The following POLD3 variants were observed in gnomAD, a reference collection of about 807,000 sequenced individuals.
The protein encoded by POLD3 is DNA polymerase delta subunit 3.
A neutral mutation model predicts 58.2 loss-of-function variants in POLD3; 19 were observed. The observed-to-expected ratio is 0.33, with a 90% CI of 0.23 to 0.48. The LOEUF (loss-of-function observed/expected upper bound fraction) is 0.48, where lower values mean the gene tolerates loss of function less well. Ranked by LOEUF, POLD3 falls within the 20% of genes least tolerant of loss-of-function variation. The probability of loss-of-function intolerance (pLI) is 0.99; values close to 1 mark genes in which losing one functional copy is unlikely to be tolerated. For missense variants in POLD3, 504 were observed against 545.5 expected, an observed-to-expected ratio of 0.92 and a Z score of 0.76; for synonymous variants, 172 against 193.5, an observed-to-expected ratio of 0.89 and a Z score of 0.92.
Position 74,612,944 on chromosome 11 carries a change from A to G in POLD3, c.326A>G (p.Lys109Arg), listed in dbSNP as rs1219019838. 11 of 1,613,874 alleles carry G rather than the reference A, an allele frequency of 6.8e-6. No homozygotes were observed. In the East Asian group the frequency reaches 2.2e-4, roughly 33 times the overall value. ...HVYSIQKAML[K>R]DSGPLFNTDY... The stretch of plus-strand genomic sequence containing the variant: ...TACAGCATCCAGAAAGCCATGCTAA[A>G]GGACAGTGGGCCTCTGTTCAATACT... The change falls in exon 5 of 12, where the codon AAG becomes AGG. Residue 109 changes from lysine (K) to arginine (R), a missense_variant. By Grantham distance (26) the Lys-to-Arg change is conservative (BLOSUM62 2). Transcript: ENST00000263681.
chr11:74,662,151 C>A (rs2033213595), intron 4 of POLD3, among the ~76,000 whole-genome samples: 1 of 152,202 alleles, frequency 6.6e-6, no homozygotes, highest in South Asian at 2.1e-4. Context: ...AATTGTGGAT[C>A]CCAAGAGCCC....
chr11:74,617,083 T>C (rs989808102), intron 5 of POLD3, among the ~76,000 whole-genome samples: 4 of 152,048 alleles, frequency 2.6e-5, no homozygotes, highest in African/African-American at 9.7e-5. Flanking sequence ...CTGGGAAAAA[T>C]AAAATATTTT....
intron 3 of POLD3, among the ~76,000 whole-genome samples, chr11:74,608,229 C>T (rs10219204): frequency 0.017 from 2,625 of 152,292 alleles, 77 homozygotes; most frequent in African/African-American, 0.061. Flanking sequence ...GATCCCCTTG[C>T]CTCAGCTTCC....
At chr11:74,623,809 A>G (rs1297676694) in intron 7 of POLD3, among the ~76,000 whole-genome samples, 1 of 152,240 alleles carries the variant, frequency 6.6e-6, no homozygotes, top group Non-Finnish European at 1.5e-5. Context: ...AAAAAAAGTC[A>G]TTAAATTTTC....
rs927604045 is a variant in POLD3 at position 74,642,880 on chromosome 11, T to C, written c.*2114T>C. 4 of 985,132 alleles carry C rather than the reference T, an allele frequency of 4.1e-6. No individual in the cohort carries two copies. The highest frequency in any genetic ancestry group is 1.1e-4 in the East Asian group (1 of 8,828). The allele number at this position is 985,132 out of a possible 1,614,324, so 61.0% of individuals were successfully genotyped here. Reference sequence around the variant, plus strand: ...TGAGATGAACAAGTTATTTGCTGCCTTCATCGTTTTTTTCAGCACTGGGGA... The same window carrying C: ...TGAGATGAACAAGTTATTTGCTGCCCTCATCGTTTTTTTCAGCACTGGGGA... On this transcript the variant is annotated 3_prime_UTR_variant, in exon 12 of 12. Transcript: ENST00000263681.
intron 4 of POLD3, among the ~76,000 whole-genome samples, chr11:74,658,330 T>C (rs7126957): frequency 0.86 from 130,475 of 152,206 alleles, 56,442 homozygotes; most frequent in African/African-American, 0.97. Flanking sequence ...CCTCCCACAA[T>C]ATGTGGGAAT....
chr11:74,597,441 G>A (rs1294965750), intron 2 of POLD3, among the ~76,000 whole-genome samples: 4 of 152,170 alleles, frequency 2.6e-5, no homozygotes, highest in African/African-American at 9.7e-5. Flanking sequence ...GTTTTCTACA[G>A]ATCGTGTGCT....
intron 4 of POLD3, among the ~76,000 whole-genome samples, chr11:74,667,230 T>G (rs1336075348): frequency 6.6e-6 from 1 of 152,252 alleles, no homozygotes; most frequent in Non-Finnish European, 1.5e-5. Context: ...TTAACACTAC[T>G]GAACTGTATA....
chr11:74,605,285 CTCT>C (rs1418465792), intron 3 of POLD3, among the ~76,000 whole-genome samples: 6 of 152,094 alleles, frequency 3.9e-5, no homozygotes, highest in Non-Finnish European at 5.9e-5. Context: ...ATTCTCCTTC[CTCT>C]TCTTTTTGTA....
intron 4 of POLD3, among the ~76,000 whole-genome samples, chr11:74,655,934 AAGT>A (rs1310134830): frequency 1.3e-5 from 2 of 152,232 alleles, no homozygotes; most frequent in African/African-American, 4.8e-5. Flanking sequence ...AAGAACAAGC[AAGT>A]AATCTACAAA....
intron 4 of POLD3, among the ~76,000 whole-genome samples, chr11:74,665,349 G>A (rs1474429296): frequency 7.0e-6 from 1 of 142,202 alleles, no homozygotes; most frequent in African/African-American, 2.6e-5. Context: ...GAAATTAATA[G>A]AGCCAGAAGG....
At chr11:74,634,491 G>A (rs916729330) in intron 9 of POLD3, 92 bp from the exon 10 acceptor site, 6 of 730,392 alleles carry the variant, frequency 8.2e-6, no homozygotes, top group African/African-American at 6.9e-5. Context: ...AATCCCCTTT[G>A]CTGGACATGT....
At chr11:74,610,641 TC>T (rs1591297975) in intron 3 of POLD3, among the ~76,000 whole-genome samples, 3 of 152,190 alleles carry the variant, frequency 2.0e-5, no homozygotes, top group African/African-American at 7.2e-5. Flanking sequence ...CGTTTTTTTT[TC>T]ATTTAAAAGT....
At position 74,640,581 on chromosome 11, in the gene POLD3, G is replaced by A. The variant is rs144289047; in HGVS notation, c.1216G>A (p.Glu406Lys). The A allele has an allele frequency of 5.1e-5, 79 of 1,554,198 alleles. 1 individual carries two copies. In the African/African-American group the frequency reaches 9.0e-4, roughly 18 times the overall value. Residue 406 changes from glutamate to lysine, a missense_variant, in exon 12 of 12, where the codon GAG becomes AAG. Glu to Lys is a moderately conservative substitution (Grantham distance 56). Transcript: ENST00000263681. ...EGCIVTEKVYESESCTDSEEE... is the reference protein window; with the variant it reads ...EGCIVTEKVYKSESCTDSEEE... ...CCTACCAGTGACTGAAAAAGTCTAC[G>A]AGAGTGAATCCTGCACAGATAGTGA...
At chr11:74,660,906 T>C (rs1187364831) in intron 4 of POLD3, among the ~76,000 whole-genome samples, 1 of 152,074 alleles carries the variant, frequency 6.6e-6, no homozygotes, top group African/African-American at 2.4e-5. Flanking sequence ...ACATCTCCTC[T>C]GACTGTGTTT....
rs1362214592 is a variant in POLD3, at chr11:74,643,035, A to T, written c.*2269A>T. On this transcript the variant is annotated 3_prime_UTR_variant, in exon 12 of 12. Coordinates refer to ENST00000263681, the MANE Select transcript of POLD3 (RefSeq NM_006591.3). Reference sequence around the variant, plus strand: ...GTTTCACAGCCTCAAGTTCTTTATCAAAATAAAACTAAAATGAGTTACCAA... The same window carrying T: ...GTTTCACAGCCTCAAGTTCTTTATCTAAATAAAACTAAAATGAGTTACCAA... The T allele has an allele frequency of 3.3e-6, 2 of 613,390 alleles. No homozygotes were observed. The allele number at this position is 613,390 out of a possible 1,614,324, so 38.0% of individuals were successfully genotyped here.
At chr11:74,608,673 A>G (rs112862916) in intron 3 of POLD3, among the ~76,000 whole-genome samples, 1,531 of 152,294 alleles carry the variant, frequency 0.01, 12 homozygotes, top group Middle Eastern at 0.031. Flanking sequence ...CCAGGGCAGT[A>G]TATAGCCACA....
At chr11:74,628,927 A>G in intron 8 of POLD3, 1 of 234,868 alleles carries the variant, frequency 4.3e-6, no homozygotes, top group South Asian at 1.3e-4. Flanking sequence ...TTGAAAGGCC[A>G]ATCAGGGAAG....
chr11:74,624,208 C>T (rs561093275), intron 7 of POLD3, among the ~76,000 whole-genome samples: 94 of 152,082 alleles, frequency 6.2e-4, no homozygotes, highest in African/African-American at 2.2e-3. Context: ...GGCTGTTGAC[C>T]CCTAGACCCC....
Sources: gnomAD v4.1 joint callset for allele counts (sites outside exome capture counted in the v4.1 genomes callset) on GRCh38, gnomAD v4.1.1 for gene constraint, MANE v1.5 for transcripts, NCBI Gene and HGNC (gene_info 2026-07-23, HGNC 2026-07-21) for gene names.